ST7: variants seen among roughly 807,000 people sequenced by gnomAD.
ST7 encodes suppression of tumorigenicity 7, also known as suppressor of tumorigenicity 7 protein.
In ST7, 28 loss-of-function variants were observed where a neutral mutation model predicts 78.7. The observed-to-expected ratio is 0.36, with a 90% CI of 0.26 to 0.49. ST7 has a LOEUF of 0.49. Ranked by LOEUF, ST7 falls within the 20% of genes least tolerant of loss-of-function variation. The probability of loss-of-function intolerance (pLI) is 0.99; values close to 1 mark genes in which losing one functional copy is unlikely to be tolerated. For synonymous variants in ST7, 247 were observed against 249.6 expected, an observed-to-expected ratio of 0.99 and a Z score of 0.10; for missense variants, 418 against 696.0, an observed-to-expected ratio of 0.60 and a Z score of 4.49.
chr7:117,207,997 A>G (rs1791936615), intron 12 of ST7, among the ~76,000 whole-genome samples: 1 of 152,140 alleles, frequency 6.6e-6, no homozygotes, highest in African/African-American at 2.4e-5. Flanking sequence ...GTAGCAATGT[A>G]CATTTTAATG....
chr7:116,991,584 C>T (rs958075874), intron 1 of ST7, among the ~76,000 whole-genome samples: 1 of 152,172 alleles, frequency 6.6e-6, no homozygotes, highest in Non-Finnish European at 1.5e-5. Context: ...TACTGACACC[C>T]TCCCACAACA....
intron 7 of ST7, among the ~76,000 whole-genome samples, chr7:117,135,725 C>A (rs1584439299): frequency 6.6e-6 from 1 of 152,100 alleles, no homozygotes; most frequent in Admixed American, 6.6e-5. Context: ...GTACTGAGCA[C>A]TTTACATGCA....
chr7:117,204,611 C>A (rs537761287), intron 12 of ST7, among the ~76,000 whole-genome samples: 1 of 152,070 alleles, frequency 6.6e-6, no homozygotes, highest in Non-Finnish European at 1.5e-5. Context: ...CTTACTGATT[C>A]CAGGGAGTAA....
chr7:117,014,075 A>G (rs999744606), intron 1 of ST7, among the ~76,000 whole-genome samples: 18 of 152,216 alleles, frequency 1.2e-4, no homozygotes, highest in African/African-American at 3.9e-4. Context: ...CATTCTAAAC[A>G]GTTAGTACCT....
At chr7:117,165,296 T>C (rs1807459227) in intron 9 of ST7, among the ~76,000 whole-genome samples, 1 of 152,156 alleles carries the variant, frequency 6.6e-6, no homozygotes, top group African/African-American at 2.4e-5. Flanking sequence ...GGCTTCTCTG[T>C]ATATAAATAG....
intron 1 of ST7, among the ~76,000 whole-genome samples, chr7:117,057,094 AT>A (rs1384965501): frequency 3.3e-5 from 5 of 151,876 alleles, no homozygotes; most frequent in Admixed American, 2.6e-4. Context: ...GAGTCTTTAT[AT>A]TTTTTTCTCT....
At chr7:117,148,100 A>G (rs529290470) in intron 9 of ST7, among the ~76,000 whole-genome samples, 2 of 152,270 alleles carry the variant, frequency 1.3e-5, no homozygotes, top group East Asian at 1.9e-4. Context: ...TCTTTGCTCT[A>G]TCAGTTTCTA....
chr7:117,200,964 G>A (rs557950076), intron 12 of ST7, among the ~76,000 whole-genome samples: 1 of 152,182 alleles, frequency 6.6e-6, no homozygotes, highest in South Asian at 2.1e-4. Context: ...CATTGTTATA[G>A]TGATGGAAAT....
chr7:117,097,009 A>C (rs1801094658), intron 1 of ST7, among the ~76,000 whole-genome samples: 1 of 152,126 alleles, frequency 6.6e-6, no homozygotes, highest in South Asian at 2.1e-4. Context: ...AAAACAAATG[A>C]ATGGAATCTT....
chr7:117,085,564 A>G (rs1472934539), intron 1 of ST7, among the ~76,000 whole-genome samples: 1 of 152,216 alleles, frequency 6.6e-6, no homozygotes, highest in Non-Finnish European at 1.5e-5. Context: ...GAAACTCCAC[A>G]TGTTCAATGG....
intron 1 of ST7, among the ~76,000 whole-genome samples, chr7:116,994,270 A>G (rs1794553269): frequency 6.6e-6 from 1 of 152,202 alleles, no homozygotes; most frequent in Non-Finnish European, 1.5e-5. Flanking sequence ...TTATCCTTTT[A>G]TGACTAACTT....
chr7:116,994,473 C>T (rs917310868), intron 1 of ST7, among the ~76,000 whole-genome samples: 9 of 151,982 alleles, frequency 5.9e-5, no homozygotes, highest in South Asian at 2.1e-4. Flanking sequence ...TTTAACTGAC[C>T]GGTGATTTTT....
At chr7:117,131,790 T>G in intron 5 of ST7, 95 bp from the exon 6 acceptor site, 2 of 1,110,182 alleles carry the variant, frequency 1.8e-6, no homozygotes, top group Admixed American at 4.2e-5. Context: ...TTCTTGTAAT[T>G]TAAGCTGACA....
chr7:117,073,736 A>G (rs1280559401), intron 1 of ST7: 2 of 152,210 alleles, frequency 1.3e-5, no homozygotes, highest in African/African-American at 4.8e-5. Context: ...TAATAATAAT[A>G]TTTTAGAAAT....
chr7:117,123,308 T>G (rs1803557706), intron 3 of ST7, among the ~76,000 whole-genome samples: 1 of 152,144 alleles, frequency 6.6e-6, no homozygotes, highest in Non-Finnish European at 1.5e-5. Context: ...ATGGCCTACC[T>G]AAGAACGACT....
chr7:117,059,807 C>CAAA lies in ST7; in HGVS notation c.152-39931_152-39929dup, dbSNP rs35792944. ...GCTACTTAGTAAGACTTCATCTCTG[C>CAAA]AAAAAAAAAAAAAAAAAAAAAAAAA... On this transcript the variant is annotated intron_variant, in intron 1 of 15. Transcript: ENST00000323984. Among the ~76,000 whole-genome samples, 14 of 31,978 alleles carry CAAA rather than the reference C, an allele frequency of 4.4e-4. 2 individuals are homozygous for CAAA. Among genetic ancestry groups the CAAA allele is most frequent in the South Asian group, 2.3e-3 (2 of 868 alleles). 21.0% of individuals were successfully genotyped at this position (31,978 alleles called of 152,430 possible).
chr7:117,052,097 C>T (rs1450243824), intron 1 of ST7, among the ~76,000 whole-genome samples: 1 of 152,060 alleles, frequency 6.6e-6, no homozygotes, highest in African/African-American at 2.4e-5. Context: ...TGTCCAAGGC[C>T]TTGTGATTCT....
At chr7:117,041,473 G>A (rs1797226022) in intron 1 of ST7, among the ~76,000 whole-genome samples, 1 of 152,124 alleles carries the variant, frequency 6.6e-6, no homozygotes, top group South Asian at 2.1e-4. Flanking sequence ...TTGCTACTGG[G>A]AGAAATTATT....
chr7:116,985,195 T>C (rs1446108828), intron 1 of ST7, among the ~76,000 whole-genome samples: 6 of 152,208 alleles, frequency 3.9e-5, no homozygotes, highest in African/African-American at 1.4e-4. Context: ...TTTAAAAGTT[T>C]GGATCACTTT....
Sources: allele counts gnomAD v4.1 joint callset (sites outside exome capture counted in the v4.1 genomes callset), GRCh38; gene constraint gnomAD v4.1.1; transcripts MANE v1.5; gene names NCBI Gene and HGNC (gene_info 2026-07-23, HGNC 2026-07-21).